Variants in NUP210 observed in about 807,000 individuals in gnomAD.
NUP210 encodes nucleoporin 210, also known as nuclear pore membrane glycoprotein 210.
NUP210 carries 151 observed loss-of-function variants against 196.0 expected under a neutral mutation model. That is an observed-to-expected ratio of 0.77 (90% CI 0.67 to 0.88). NUP210 has a LOEUF of 0.88. NUP210 is among the 40% of genes least tolerant of loss of function. The probability of loss-of-function intolerance (pLI) is 0.00; values close to 1 mark genes in which losing one functional copy is unlikely to be tolerated. For synonymous variants in NUP210, 1,070 were observed against 1,052.7 expected (o/e 1.02, Z -0.32); for missense variants, 2,314 against 2,493.7 (o/e 0.93, Z 1.53).
chr3:13,395,481 CTTA>C, intron 3 of NUP210, among the ~76,000 whole-genome samples: 1 of 152,258 alleles, frequency 6.6e-6, no homozygotes, highest in Middle Eastern at 3.4e-3. Context: ...CCACGCCTGG[CTTA>C]TTTTTATATT....
intron 11 of NUP210, among the ~76,000 whole-genome samples, chr3:13,375,138 T>TTC (rs200685687): frequency 0.024 from 3,453 of 141,192 alleles, 130 homozygotes; most frequent in African/African-American, 0.088. Flanking sequence ...ATTCTATTTT[T>TTC]TCTCTTTTTT....
chr3:13,409,967 G>A (rs1700113307), intron 1 of NUP210, among the ~76,000 whole-genome samples: 1 of 151,368 alleles, frequency 6.6e-6, no homozygotes, highest in African/African-American at 2.4e-5. Context: ...CTCCCGAGCA[G>A]CTGGGACTAC....
In NUP210 at chr3:13,350,274, G is replaced by A. The variant is rs540553801; in HGVS notation, c.2835+1605C>T. On this transcript the variant is annotated intron_variant, in intron 20 of 39. Transcript: ENST00000254508. The surrounding 1 kb of genome is among the most constrained non-coding windows in gnomAD (Gnocchi z 4.1). The stretch of plus-strand genomic sequence containing the variant: ...AGCCTGTGTGTTTGTGTGTGTGTGC[G>A]CGTGTGTTTTTGTGTCTTCAGCAAA... 2.0e-4 allele frequency among the ~76,000 whole-genome samples: 31 copies of A among 152,062 alleles called. No homozygotes were observed. Among genetic ancestry groups the A allele is most frequent in the Non-Finnish European group, 3.5e-4 (24 of 68,016 alleles).
intron 3 of NUP210, among the ~76,000 whole-genome samples, chr3:13,396,280 T>G (rs1328197842): frequency 1.3e-5 from 2 of 152,158 alleles, no homozygotes; most frequent in Non-Finnish European, 2.9e-5. Flanking sequence ...CAATACTATC[T>G]AGGCTAAGAA....
chr3:13,341,400 T>C (rs1396237065), intron 23 of NUP210, among the ~76,000 whole-genome samples: 2 of 152,214 alleles, frequency 1.3e-5, no homozygotes, highest in Non-Finnish European at 2.9e-5. Flanking sequence ...CTTCTACACA[T>C]GAGTCAGCAT....
intron 2 of NUP210, 27 bp downstream of exon 2, chr3:13,399,698 G>A: frequency 6.2e-7 from 1 of 1,613,688 alleles, no homozygotes; most frequent in Non-Finnish European, 8.5e-7. Flanking sequence ...CTCCCACCGG[G>A]GATCACACAC....
At chr3:13,397,626 A>G (rs769488289) in intron 2 of NUP210, 138 bp from the exon 3 acceptor site, 77 of 839,752 alleles carry the variant, frequency 9.2e-5, no homozygotes, top group Admixed American at 1.2e-4. Context: ...CAGCTGCCTC[A>G]CACATGGCCC....
intron 8 of NUP210, among the ~76,000 whole-genome samples, chr3:13,377,938 T>C (rs1217402507): frequency 4.2e-4 from 51 of 122,882 alleles, no homozygotes; most frequent in East Asian, 2.1e-3. Flanking sequence ...CTGCAGGCCC[T>C]ACACCACCCA....
chr3:13,354,807 T>A (rs1698113252), intron 16 of NUP210: 1 of 152,276 alleles, frequency 6.6e-6, no homozygotes, highest in South Asian at 2.1e-4. Context: ...AAGGAGCTCA[T>A]CCAAGGAGGT....
At chr3:13,366,174 G>T (rs1698529174) in intron 13 of NUP210, 83 bp from the exon 14 acceptor site, 9 of 1,385,286 alleles carry the variant, frequency 6.5e-6, no homozygotes, top group South Asian at 1.3e-5. Flanking sequence ...TGTTGCCCAG[G>T]CTGGAGTACA....
chr3:13,343,915 C>T (rs1455968020), intron 20 of NUP210, among the ~76,000 whole-genome samples: 1 of 152,252 alleles, frequency 6.6e-6, no homozygotes, highest in Non-Finnish European at 1.5e-5. Context: ...GTGCATCTCG[C>T]TCATCTTTGT....
At chr3:13,390,579 G>A (rs557052391) in intron 4 of NUP210, among the ~76,000 whole-genome samples, 25 of 152,330 alleles carry the variant, frequency 1.6e-4, no homozygotes, top group African/African-American at 5.8e-4. Flanking sequence ...TCTGGGGCCC[G>A]TGGCTCCCAC....
At chr3:13,332,612 C>T (rs1445254057) in intron 28 of NUP210, among the ~76,000 whole-genome samples, 1 of 152,168 alleles carries the variant, frequency 6.6e-6, no homozygotes, top group African/African-American at 2.4e-5. Flanking sequence ...AACCCTCAGT[C>T]TCTACAAAAT....
intron 15 of NUP210, among the ~76,000 whole-genome samples, chr3:13,358,852 G>A (rs1460399248): frequency 1.3e-5 from 2 of 152,206 alleles, no homozygotes; most frequent in East Asian, 1.9e-4. Flanking sequence ...GCAGGACAAC[G>A]CCCAGGAGGA....
rs755572437 is a variant in NUP210 at position 13,386,326 on chromosome 3, C to T, written c.766G>A (p.Gly256Arg). 1.9e-6 allele frequency: 3 copies of T among 1,613,982 alleles called. No homozygotes were observed. The highest frequency in any genetic ancestry group is 1.7e-5 in the Admixed American group (1 of 60,006). The change falls in exon 6 of 40, where the codon GGA (glycine) becomes AGA (arginine). Residue 256 changes from glycine (G) to arginine (R), a missense_variant. Transcript: ENST00000254508. Reference protein sequence around the residue: ...NPAYDVYLMVGTSIHYKVQKI... With the variant: ...NPAYDVYLMVRTSIHYKVQKI... The stretch of plus-strand genomic sequence containing the variant: ...TGCACCTTGTAGTGAATGGAGGTTC[C>T]CACCATCAGGTAGACGTCATAGGCC...
chr3:13,332,318 A>C lies in NUP210; in HGVS notation c.3910T>G (p.Ser1304Ala). 1 of 1,613,812 alleles carries C rather than the reference A, an allele frequency of 6.2e-7. No individual in the cohort carries two copies. The highest frequency in any genetic ancestry group is 1.3e-5 in the African/African-American group (1 of 75,034). ...EAEQILMSPN[S>A]YIKLQTNRDG... ...CTGTTTGTCTGCAGCTTTATATATG[A>C]GTTGGGCGACATTAATATTTGTTCT... is the stretch of plus-strand genomic sequence containing the variant. The change falls in exon 29 of 40, where the codon TCA becomes GCA. Residue 1304 changes from serine (S) to alanine (A), a missense_variant. Coordinates refer to ENST00000254508, the MANE Select transcript of NUP210 (RefSeq NM_024923.4).
chr3:13,352,978 G>A (rs1314205329), intron 18 of NUP210, among the ~76,000 whole-genome samples: 1 of 152,092 alleles, frequency 6.6e-6, no homozygotes, highest in Non-Finnish European at 1.5e-5. Context: ...GGGATAACAT[G>A]TCAGGGTGCT....
In NUP210 at chr3:13,350,837, C is replaced by T. The variant is rs997822834; in HGVS notation, c.2835+1042G>A. Among the ~76,000 whole-genome samples, 4 of 151,200 alleles carry T rather than the reference C, an allele frequency of 2.6e-5. No homozygotes were observed. The highest frequency in any genetic ancestry group is 4.8e-5 in the African/African-American group (2 of 41,350). On this transcript the variant is annotated intron_variant, in intron 20 of 39. Coordinates refer to ENST00000254508, the MANE Select transcript of NUP210 (RefSeq NM_024923.4). This position sits in a 1 kb window ranked among gnomAD's most constrained non-coding sequence, Gnocchi z 4.1. ...CCTCCCGAGTAGCTGGGAATACAGG[C>T]GCCCGCCACTACGCCTGGCTAATTT... is the stretch of plus-strand genomic sequence containing the variant.
chr3:13,383,847 C>T (rs1167730993), intron 6 of NUP210, among the ~76,000 whole-genome samples: 1 of 151,684 alleles, frequency 6.6e-6, no homozygotes, highest in African/African-American at 2.4e-5. Flanking sequence ...TTTCTAAAGT[C>T]AGCCCATCCC....
Sources: allele counts gnomAD v4.1 joint callset (sites outside exome capture counted in the v4.1 genomes callset), GRCh38; gene constraint gnomAD v4.1.1; non-coding constraint Gnocchi (gnomAD v3.1); transcripts MANE v1.5; gene names NCBI Gene and HGNC (gene_info 2026-07-23, HGNC 2026-07-21).